MAST4: variants seen among roughly 807,000 people sequenced by gnomAD.
The protein encoded by MAST4 is microtubule associated serine/threonine kinase family member 4, also known as microtubule-associated serine/threonine-protein kinase 4.
Under a neutral mutation model 162.7 loss-of-function variants are expected in MAST4, and 89 were observed. The ratio of observed to expected loss-of-function variants is 0.55; its 90% CI spans 0.46 to 0.65. The LOEUF is 0.65. Ranked by LOEUF, MAST4 falls within the 30% of genes least tolerant of loss-of-function variation. The probability of loss-of-function intolerance (pLI) is 0.00; values close to 1 mark genes in which losing one functional copy is unlikely to be tolerated. For missense variants in MAST4, 3,153 were observed against 3,374.0 expected, an observed-to-expected ratio of 0.93 and a Z score of 1.62; for synonymous variants, 1,479 against 1,361.1, an observed-to-expected ratio of 1.09 and a Z score of -1.91.
intron 5 of MAST4, among the ~76,000 whole-genome samples, chr5:67,077,873 G>A (rs901753484): frequency 6.6e-6 from 1 of 152,180 alleles, no homozygotes; most frequent in Non-Finnish European, 1.5e-5. Context: ...GCCGAGATGG[G>A]TGGATCACCT....
At chr5:66,933,585 G>C (rs1316695364) in intron 4 of MAST4, among the ~76,000 whole-genome samples, 2 of 152,054 alleles carry the variant, frequency 1.3e-5, no homozygotes, top group African/African-American at 2.4e-5. Context: ...TGTGCATGTT[G>C]CTCTCTCATG....
intron 3 of MAST4, among the ~76,000 whole-genome samples, chr5:66,873,958 G>A (rs1761119499): frequency 1.3e-5 from 2 of 151,904 alleles, no homozygotes; most frequent in South Asian, 4.2e-4. Context: ...CAGAAATAAG[G>A]GGCTCATTTT....
intron 19 of MAST4, among the ~76,000 whole-genome samples, chr5:67,137,895 A>G (rs1168452524): frequency 1.3e-5 from 2 of 152,218 alleles, no homozygotes; most frequent in African/African-American, 4.8e-5. Context: ...CCCTTTACAC[A>G]AAAGCTTTCC....
At chr5:66,838,555 A>C (rs1307715666) in intron 3 of MAST4, among the ~76,000 whole-genome samples, 26 of 152,204 alleles carry the variant, frequency 1.7e-4, no homozygotes, top group Non-Finnish European at 1.5e-5. Flanking sequence ...GGTAGGTGAG[A>C]CAGACAACAG....
rs1773619099 is a variant in MAST4, at chr5:67,164,431, GTGCCGTCTCTTT to G, written c.5255_5266del (p.Ala1752_Phe1755del). 2 of 1,614,048 alleles carry G rather than the reference GTGCCGTCTCTTT, an allele frequency of 1.2e-6. No individual in the cohort carries two copies. Among genetic ancestry groups the G allele is most frequent in the African/African-American group, 1.3e-5 (1 of 75,044 alleles). On this transcript the variant is annotated inframe_deletion, in exon 29 of 29. Transcript: ENST00000403625. The surrounding 1 kb of genome is among the most constrained non-coding windows in gnomAD (Gnocchi z 5.3). ...AGCAGCACCCATGCAGCTCAGATGAGTGCCGTCTCTTTTGTTCCCCTCAAGGCCTTAACAGGC... is the reference window on the plus strand; with the variant it reads ...AGCAGCACCCATGCAGCTCAGATGAGTGTTCCCCTCAAGGCCTTAACAGGC...
At chr5:66,875,733 AAG>A (rs767088622) in intron 3 of MAST4, among the ~76,000 whole-genome samples, 7 of 152,204 alleles carry the variant, frequency 4.6e-5, no homozygotes, top group Non-Finnish European at 7.3e-5. Context: ...GCATTATTAA[AAG>A]TCTATACAGT....
At chr5:66,896,127 C>T (rs1269521186) in intron 3 of MAST4, among the ~76,000 whole-genome samples, 2 of 152,160 alleles carry the variant, frequency 1.3e-5, no homozygotes, top group African/African-American at 4.8e-5. Context: ...TTAGTCTTCT[C>T]CCATCTGTGA....
intron 1 of MAST4, among the ~76,000 whole-genome samples, chr5:66,711,394 C>T (rs749805038): frequency 6.6e-6 from 1 of 152,160 alleles, no homozygotes; most frequent in Admixed American, 6.6e-5. Flanking sequence ...TCAATTTCCT[C>T]GACTTTTCCA....
At chr5:66,765,372 C>A (rs1042366204) in intron 2 of MAST4, among the ~76,000 whole-genome samples, 1 of 152,138 alleles carries the variant, frequency 6.6e-6, no homozygotes, top group Non-Finnish European at 1.5e-5. Context: ...CTATGCATAT[C>A]CTCCTGTAAG....
intron 1 of MAST4, among the ~76,000 whole-genome samples, chr5:66,751,453 G>C (rs930059765): frequency 6.6e-5 from 10 of 152,160 alleles, no homozygotes; most frequent in African/African-American, 2.2e-4. Context: ...GCTTAAAGGA[G>C]CTGATGGAGC....
At chr5:66,937,218 A>G (rs1462535110) in intron 4 of MAST4, among the ~76,000 whole-genome samples, 1 of 152,234 alleles carries the variant, frequency 6.6e-6, no homozygotes, top group East Asian at 1.9e-4. Context: ...TACAGTGAAC[A>G]GGACACACAT....
At chr5:67,117,847 G>C (rs1767105211) in intron 12 of MAST4, among the ~76,000 whole-genome samples, 1 of 152,112 alleles carries the variant, frequency 6.6e-6, no homozygotes, top group African/African-American at 2.4e-5. Context: ...AATGTGAATT[G>C]ATCAATTTAG....
intron 1 of MAST4, among the ~76,000 whole-genome samples, chr5:66,728,308 C>T (rs1307346276): frequency 3.9e-5 from 6 of 152,022 alleles, no homozygotes; most frequent in African/African-American, 1.2e-4. Flanking sequence ...TAGAAATTTC[C>T]ATGGAAAATA....
intron 25 of MAST4, 46 bp from the exon 26 acceptor site, chr5:67,153,407 TTAGAG>T: frequency 6.4e-7 from 1 of 1,565,612 alleles, no homozygotes; most frequent in Non-Finnish European, 8.6e-7. Context: ...ACAGTAGGTG[TTAGAG>T]TAGTCATTTG....
chr5:66,743,851 G>A (rs926419595), intron 1 of MAST4, among the ~76,000 whole-genome samples: 2 of 152,030 alleles, frequency 1.3e-5, no homozygotes, highest in African/African-American at 4.8e-5. Context: ...TATTACAATT[G>A]CATATTATGT....
Position 66,900,263 on chromosome 5 carries a change from A to C in MAST4, c.674+281A>C, listed in dbSNP as rs142002375. 5.5e-3 allele frequency among the ~76,000 whole-genome samples: 833 copies of C among 152,228 alleles called. 4 individuals carry two copies. Among genetic ancestry groups the C allele is most frequent in the African/African-American group, 0.019 (785 of 41,578 alleles). On this transcript the variant is annotated intron_variant, in intron 4 of 28. Coordinates refer to ENST00000403625, the MANE Select transcript of MAST4 (RefSeq NM_001164664.2). ...AATTAAGCAAAAACATTATTTGGTT[A>C]GGAGACAGAGTACATTGATTTGAAT...
intron 1 of MAST4, among the ~76,000 whole-genome samples, chr5:66,716,226 AT>A (rs1282346858): frequency 6.6e-6 from 1 of 152,224 alleles, no homozygotes; most frequent in Non-Finnish European, 1.5e-5. Context: ...AAAAGCTTGA[AT>A]AAAAGCAGTT....
At chr5:67,113,619 A>T (rs567884286) in intron 11 of MAST4, among the ~76,000 whole-genome samples, 3 of 152,164 alleles carry the variant, frequency 2.0e-5, no homozygotes, top group Non-Finnish European at 4.4e-5. Context: ...ATGTTTTTGG[A>T]TACGTCTATA....
At chr5:67,157,972 C>G (rs905447845) in intron 26 of MAST4, among the ~76,000 whole-genome samples, 2 of 152,178 alleles carry the variant, frequency 1.3e-5, no homozygotes, top group South Asian at 4.1e-4. Flanking sequence ...GATTCCAGCT[C>G]TAGTGGCACA....
Sources: gnomAD v4.1 joint callset for allele counts (sites outside exome capture counted in the v4.1 genomes callset) on GRCh38, gnomAD v4.1.1 for gene constraint, Gnocchi (gnomAD v3.1) non-coding constraint, MANE v1.5 for transcripts, NCBI Gene and HGNC (gene_info 2026-07-23, HGNC 2026-07-21) for gene names.